FBXL13: variants seen among roughly 807,000 people sequenced by gnomAD.
FBXL13 encodes F-box and leucine rich repeat protein 13, also known as F-box and leucine-rich repeat protein 13.
Under a neutral mutation model 83.6 loss-of-function variants are expected in FBXL13, and 67 were observed. The ratio of observed to expected loss-of-function variants is 0.80; its 90% CI spans 0.66 to 0.98. The LOEUF is 0.98. Ranked by LOEUF, FBXL13 falls within the 50% of genes least tolerant of loss-of-function variation. The pLI is 0.00. For missense variants in FBXL13, 822 were observed against 866.5 expected, an observed-to-expected ratio of 0.95 and a Z score of 0.64; for synonymous variants, 272 against 299.5, an observed-to-expected ratio of 0.91 and a Z score of 0.95.
chr7:102,908,773 C>T (rs1814166292), intron 11 of FBXL13, among the ~76,000 whole-genome samples: 2 of 152,244 alleles, frequency 1.3e-5, no homozygotes, highest in South Asian at 2.1e-4. Flanking sequence ...TGTTCTGAAC[C>T]ACCCAAAACT....
At chr7:103,022,940 TA>T (rs1793379983) in intron 6 of FBXL13, among the ~76,000 whole-genome samples, 1 of 152,190 alleles carries the variant, frequency 6.6e-6, no homozygotes. Context: ...AGAAGTCTAA[TA>T]TCCACAATCT....
intron 6 of FBXL13, among the ~76,000 whole-genome samples, chr7:102,981,388 T>C (rs1262308962): frequency 2.1e-5 from 3 of 145,290 alleles, no homozygotes; most frequent in Non-Finnish European, 4.5e-5. Context: ...CATCTCCCAT[T>C]GCCTGCACAC....
intron 6 of FBXL13, among the ~76,000 whole-genome samples, chr7:103,004,605 A>G (rs79055896): frequency 0.041 from 6,172 of 152,300 alleles, 166 homozygotes; most frequent in Non-Finnish European, 0.065. Flanking sequence ...TTTCCTGCAA[A>G]GAAACTCAAG....
chr7:102,951,805 CAAAA>C (rs5886239), intron 8 of FBXL13, among the ~76,000 whole-genome samples: 2 of 88,098 alleles, frequency 2.3e-5, no homozygotes, highest in Non-Finnish European at 2.3e-5. Context: ...ACTCTCTCTC[CAAAA>C]AAAAAAAAAA....
At chr7:102,909,823 C>T (rs895731036) in intron 11 of FBXL13, among the ~76,000 whole-genome samples, 1 of 152,136 alleles carries the variant, frequency 6.6e-6, no homozygotes, top group Non-Finnish European at 1.5e-5. Context: ...GAAGGGGTCT[C>T]TTTTGGATCG....
At chr7:102,895,382 A>G (rs901314606) in intron 11 of FBXL13, among the ~76,000 whole-genome samples, 11 of 152,234 alleles carry the variant, frequency 7.2e-5, no homozygotes, top group Non-Finnish European at 1.2e-4. Flanking sequence ...ACCGAAGCAG[A>G]AACCCCTATG....
chr7:102,880,081 T>C (rs1308236905), intron 14 of FBXL13, among the ~76,000 whole-genome samples: 1 of 152,248 alleles, frequency 6.6e-6, no homozygotes, highest in Non-Finnish European at 1.5e-5. Context: ...CTTTTAAATA[T>C]GTATTTTTAA....
intron 6 of FBXL13, among the ~76,000 whole-genome samples, chr7:102,995,647 C>T (rs1207717434): frequency 3.3e-5 from 5 of 151,770 alleles, no homozygotes; most frequent in East Asian, 1.9e-4. Flanking sequence ...ATTAGCCAGG[C>T]GTGGTGGTGT....
chr7:102,962,083 T>A (rs974688451), intron 8 of FBXL13, among the ~76,000 whole-genome samples: 1 of 151,138 alleles, frequency 6.6e-6, no homozygotes, highest in African/African-American at 2.5e-5. Context: ...TCACAACTAC[T>A]CATCTGACAA....
chr7:102,873,123 G>A (rs1462128291), intron 16 of FBXL13, among the ~76,000 whole-genome samples: 1 of 152,154 alleles, frequency 6.6e-6, no homozygotes, highest in Non-Finnish European at 1.5e-5. Context: ...ACTTCTTCAT[G>A]AGTTTTCATG....
chr7:103,041,807 T>C (rs1450611933), intron 2 of FBXL13, among the ~76,000 whole-genome samples: 1 of 152,174 alleles, frequency 6.6e-6, no homozygotes. Flanking sequence ...AAACTAGGTA[T>C]TGATGGAACA....
At chr7:103,050,536 C>A (rs1796701878) in intron 2 of FBXL13, among the ~76,000 whole-genome samples, 1 of 152,186 alleles carries the variant, frequency 6.6e-6, no homozygotes, top group African/African-American at 2.4e-5. Context: ...CATCTTTAAT[C>A]CAACCTCCAA....
intron 18 of FBXL13, chr7:102,822,484 CT>C (rs1281910968): frequency 1.3e-5 from 7 of 557,904 alleles, no homozygotes; most frequent in Non-Finnish European, 2.4e-5. Flanking sequence ...TCTTTGTCTT[CT>C]TATATGGTCA....
chr7:102,911,292 G>A (rs575280762), intron 11 of FBXL13, among the ~76,000 whole-genome samples: 1 of 152,298 alleles, frequency 6.6e-6, no homozygotes, highest in East Asian at 1.9e-4. Flanking sequence ...TTTGTGTGTT[G>A]TTGCTACAAT....
At chr7:102,853,489 G>A (rs1432702857) in intron 17 of FBXL13, among the ~76,000 whole-genome samples, 2 of 152,120 alleles carry the variant, frequency 1.3e-5, no homozygotes, top group African/African-American at 4.8e-5. Flanking sequence ...AACACCAAAA[G>A]CAATGGCAAC....
At chr7:102,945,103 A>T (rs560235650) in intron 8 of FBXL13, among the ~76,000 whole-genome samples, 1 of 152,258 alleles carries the variant, frequency 6.6e-6, no homozygotes, top group South Asian at 2.1e-4. Flanking sequence ...ATTTCTGTGC[A>T]TTCCAAAATG....
rs1433872795 is a variant in FBXL13 at position 102,962,560 on chromosome 7, A to AT, written c.724+972_724+973insA. The stretch of plus-strand genomic sequence containing the variant: ...TATGTTTATTGCGGCATTATTCACA[A>AT]AGCAAAGACTTGGAACCAACCCAAA... On this transcript the variant is annotated intron_variant, in intron 8 of 19. Transcript: ENST00000313221. Among the ~76,000 whole-genome samples the AT allele has an allele frequency of 3.6e-3, 548 of 152,206 alleles. 5 individuals carry two copies. Among genetic ancestry groups the AT allele is most frequent in the African/African-American group, 0.013 (541 of 41,484 alleles).
intron 8 of FBXL13, among the ~76,000 whole-genome samples, chr7:102,954,030 AT>A (rs1823842815): frequency 1.3e-5 from 2 of 152,270 alleles, no homozygotes; most frequent in South Asian, 4.1e-4. Flanking sequence ...AAGACGGGTG[AT>A]TTCTGCATTT....
At chr7:102,884,176 A>G (rs1465981835) in intron 12 of FBXL13, 38 bp downstream of exon 13, 1 of 1,404,546 alleles carries the variant, frequency 7.1e-7, no homozygotes, top group Non-Finnish European at 1.0e-6. Flanking sequence ...TATCTATCTT[A>G]TGGGACAGAA....
Sources: allele counts gnomAD v4.1 joint callset (sites outside exome capture counted in the v4.1 genomes callset), GRCh38; gene constraint gnomAD v4.1.1; transcripts MANE v1.5; gene names NCBI Gene and HGNC (gene_info 2026-07-23, HGNC 2026-07-21).